RAD54B: variants seen among roughly 807,000 people sequenced by gnomAD.
RAD54B encodes the protein DNA repair and recombination protein RAD54B.
RAD54B carries 78 observed loss-of-function variants against 95.8 expected under a neutral mutation model. That is an observed-to-expected ratio of 0.81 (90% CI 0.68 to 0.98). RAD54B has a LOEUF of 0.98. RAD54B is among the 50% of genes least tolerant of loss of function. The pLI, the probability that RAD54B is intolerant of heterozygous loss-of-function variation, is 0.00. For synonymous variants in RAD54B, 328 were observed against 354.9 expected (o/e 0.92, Z 0.85); for missense variants, 957 against 1,056.6 (o/e 0.91, Z 1.31).
chr8:94,372,276 T>C lies in RAD54B; in HGVS notation c.2627A>G (p.His876Arg). ...AAGATTTAAATGATCTCCAGAAAAA[T>C]GTTTCCATTGCTTCAGCTGGGACAT... ...LSMSQLKQWK[H>R]FSGDHLNLTD... Residue 876 changes from histidine (H) to arginine (R), a missense_variant, in exon 15 of 15, where the codon CAT (histidine) becomes CGT (arginine). His to Arg is a conservative substitution (Grantham distance 29, BLOSUM62 0). Coordinates refer to ENST00000336148, the MANE Select transcript of RAD54B (RefSeq NM_012415.3). 6.2e-7 allele frequency: 1 copy of C among 1,613,516 alleles called. No individual in the cohort carries two copies. The highest frequency in any genetic ancestry group is 8.5e-7 in the Non-Finnish European group (1 of 1,179,822).
At chr8:94,443,560 GA>G (rs1344862053) in intron 3 of RAD54B, among the ~76,000 whole-genome samples, 1 of 151,142 alleles carries the variant, frequency 6.6e-6, no homozygotes, top group Non-Finnish European at 1.5e-5. Flanking sequence ...GCTAACCCGA[GA>G]TGGATGCATA....
At chr8:94,426,109 C>T (rs369906973) in intron 3 of RAD54B, among the ~76,000 whole-genome samples, 18 of 151,874 alleles carry the variant, frequency 1.2e-4, no homozygotes, top group Non-Finnish European at 1.9e-4. Flanking sequence ...CCTGCCACCA[C>T]GCCCAGCTGA....
At chr8:94,453,006 T>C (rs890799881) in intron 3 of RAD54B, among the ~76,000 whole-genome samples, 3 of 152,182 alleles carry the variant, frequency 2.0e-5, no homozygotes, top group South Asian at 4.1e-4. Context: ...CTAACCTCTG[T>C]AGAAGGCAAT....
intron 8 of RAD54B, among the ~76,000 whole-genome samples, chr8:94,395,777 G>C (rs1811128919): frequency 6.6e-6 from 1 of 152,194 alleles, no homozygotes; most frequent in African/African-American, 2.4e-5. Context: ...ATCTAGCTGT[G>C]ATGTCTGGAA....
chr8:94,378,535 G>A, intron 13 of RAD54B, 33 bp downstream of exon 13: 2 of 1,535,302 alleles, frequency 1.3e-6, no homozygotes, highest in Non-Finnish European at 1.8e-6. Context: ...TATTCAAAGA[G>A]TATACATTTT....
intron 3 of RAD54B, among the ~76,000 whole-genome samples, chr8:94,426,503 A>G (rs1811945838): frequency 6.6e-6 from 1 of 152,206 alleles, no homozygotes; most frequent in South Asian, 2.1e-4. Flanking sequence ...TATTTATGCA[A>G]TGGAATACTG....
At chr8:94,383,848 T>C (rs1284756528) in intron 11 of RAD54B, among the ~76,000 whole-genome samples, 1 of 152,144 alleles carries the variant, frequency 6.6e-6, no homozygotes, top group Non-Finnish European at 1.5e-5. Flanking sequence ...TCCACTAGGA[T>C]GACTATTATC....
intron 11 of RAD54B, among the ~76,000 whole-genome samples, chr8:94,383,483 A>G (rs1000591130): frequency 6.6e-6 from 1 of 152,324 alleles, no homozygotes; most frequent in South Asian, 2.1e-4. Context: ...CCTCGGTTCA[A>G]AAATATTACA....
chr8:94,459,191 C>T lies in RAD54B; in HGVS notation c.136-755G>A, dbSNP rs1403211904. On this transcript the variant is annotated intron_variant, in intron 2 of 14. Coordinates refer to ENST00000336148, the MANE Select transcript of RAD54B (RefSeq NM_012415.3). Reference sequence around the variant, plus strand: ...TAAGAGATGGGGTCTCGGTCTGGTACCCAGGCTGAAGAGTGCAGTGTCACG... The same window carrying T: ...TAAGAGATGGGGTCTCGGTCTGGTATCCAGGCTGAAGAGTGCAGTGTCACG... 2.6e-5 allele frequency among the ~76,000 whole-genome samples: 4 copies of T among 152,048 alleles called. No individual in the cohort carries two copies. In the East Asian group the frequency reaches 7.8e-4, roughly 30 times the overall value.
chr8:94,437,057 G>A (rs1812284797), intron 3 of RAD54B: 8 of 1,203,708 alleles, frequency 6.6e-6, no homozygotes, highest in Non-Finnish European at 8.7e-6. Flanking sequence ...ATCTGCTTAA[G>A]CCAAGCCTGA....
At chr8:94,382,756 C>CTCACGAGATCTGCTGG (rs1262919551) in intron 11 of RAD54B, among the ~76,000 whole-genome samples, 106 of 152,220 alleles carry the variant, frequency 7.0e-4, no homozygotes, top group Non-Finnish European at 1.0e-3. Context: ...GGAGTGAGTT[C>CTCACGAGATCTGCTGG]TCACGAGATC....
intron 1 of RAD54B, among the ~76,000 whole-genome samples, chr8:94,469,100 GTTT>G (rs200717806): frequency 7.1e-6 from 1 of 140,826 alleles, no homozygotes. Context: ...CCCATCTCTT[GTTT>G]TTTTTTTTTT....
rs147759292 is a variant in RAD54B at position 94,407,130 on chromosome 8, G to C, written c.781+309C>G. On this transcript the variant is annotated intron_variant, in intron 5 of 14. Transcript: ENST00000336148. The stretch of plus-strand genomic sequence containing the variant: ...TACTAATTTCTCTCCTTACTAAAAA[G>C]TCAGATTTTATTCAAAATTATACAC... 6.0e-3 allele frequency among the ~76,000 whole-genome samples: 918 copies of C among 152,092 alleles called. 30 individuals carry two copies. The highest frequency in any genetic ancestry group is 0.041 in the Admixed American group (621 of 15,280).
intron 5 of RAD54B, among the ~76,000 whole-genome samples, chr8:94,406,027 C>CACACACACACACACACACAT (rs11281421): frequency 1.3e-4 from 19 of 150,538 alleles, no homozygotes; most frequent in East Asian, 5.9e-4. Context: ...CACACACACA[C>CACACACACACACACACACAT]ATATATATAA....
Position 94,405,455 on chromosome 8 carries a change from A to T in RAD54B, c.782-1216T>A, listed in dbSNP as rs190127960. Among the ~76,000 whole-genome samples the T allele has an allele frequency of 7.9e-5, 12 of 152,322 alleles. No individual in the cohort carries two copies. In the East Asian group the frequency reaches 2.3e-3, roughly 29 times the overall value. On this transcript the variant is annotated intron_variant, in intron 5 of 14. Transcript: ENST00000336148. ...GTGGAACTATACTGTCACAGGAATA[A>T]GAGTTTAGTCATGTTTACCATTAAC... is the stretch of plus-strand genomic sequence containing the variant.
intron 10 of RAD54B, among the ~76,000 whole-genome samples, chr8:94,388,212 CCT>C (rs1188724418): frequency 6.6e-6 from 1 of 152,138 alleles, no homozygotes; most frequent in South Asian, 2.1e-4. Context: ...TGCCACCACC[CCT>C]GATACAGCAA....
intron 1 of RAD54B, among the ~76,000 whole-genome samples, chr8:94,469,856 A>G (rs1813124373): frequency 6.6e-6 from 1 of 152,218 alleles, no homozygotes; most frequent in Non-Finnish European, 1.5e-5. Flanking sequence ...ATTTGAAAAC[A>G]GTGGAATTTT....
At chr8:94,396,378 C>G (rs1811145549) in intron 8 of RAD54B, among the ~76,000 whole-genome samples, 3 of 148,776 alleles carry the variant, frequency 2.0e-5, no homozygotes, top group Non-Finnish European at 3.0e-5. Flanking sequence ...TACCTCCACC[C>G]TATCCCTACA....
chr8:94,467,504 C>G lies in RAD54B; in HGVS notation c.36G>C (p.Gly12=). ...TAAATTTTGGTTTTTTGAAGGAATT[C>G]CCCTGCAACTGACTTGGTGCTGCAG... ...RRSAAPSQLQ[G]NSFKKPKFIP... The change falls in exon 2 of 15, where the codon GGG becomes GGC. Residue 12 remains glycine, a synonymous_variant. Coordinates refer to ENST00000336148, the MANE Select transcript of RAD54B (RefSeq NM_012415.3). 1 of 1,613,560 alleles carries G rather than the reference C, an allele frequency of 6.2e-7. No individual in the cohort carries two copies. The highest frequency in any genetic ancestry group is 8.5e-7 in the Non-Finnish European group (1 of 1,179,968).
Sources: gnomAD v4.1 joint callset for allele counts (sites outside exome capture counted in the v4.1 genomes callset) on GRCh38, gnomAD v4.1.1 for gene constraint, MANE v1.5 for transcripts, NCBI Gene and HGNC (gene_info 2026-07-23, HGNC 2026-07-21) for gene names.